MAP4K4: variants seen among roughly 807,000 people sequenced by gnomAD.
The protein encoded by MAP4K4 is mitogen-activated protein kinase kinase kinase kinase 4.
MAP4K4 carries 38 observed loss-of-function variants against 189.6 expected under a neutral mutation model. The ratio of observed to expected loss-of-function variants is 0.20; its 90% CI spans 0.15 to 0.26. The LOEUF is 0.26. Among genes scored for constraint, MAP4K4 ranks in the 10% least tolerant of loss-of-function variants. The probability of loss-of-function intolerance (pLI) is 1.00; values close to 1 mark genes in which losing one functional copy is unlikely to be tolerated. For missense variants in MAP4K4, 1,054 were observed against 1,726.9 expected (o/e 0.61, Z 6.91); for synonymous variants, 610 against 624.3 (o/e 0.98, Z 0.34).
chr2:101,743,566 C>G (rs1468180924), intron 2 of MAP4K4, among the ~76,000 whole-genome samples: 2 of 152,096 alleles, frequency 1.3e-5, no homozygotes, highest in Non-Finnish European at 1.5e-5. Context: ...TCCTTTATTT[C>G]CATTCTGCCC....
intron 2 of MAP4K4, among the ~76,000 whole-genome samples, chr2:101,786,290 G>A (rs2091210714): frequency 6.6e-6 from 1 of 152,042 alleles, no homozygotes; most frequent in African/African-American, 2.4e-5. Context: ...TAGTGTGATG[G>A]TTTTTCGAGT....
chr2:101,758,226 C>T (rs1247054698), intron 2 of MAP4K4, among the ~76,000 whole-genome samples: 3 of 152,132 alleles, frequency 2.0e-5, no homozygotes, highest in African/African-American at 7.2e-5. Context: ...ACAGAACCCT[C>T]TATTCTTGGA....
chr2:101,855,935 G>A (rs1576843339), intron 12 of MAP4K4, 42 bp from the exon 13 acceptor site: 1 of 1,530,958 alleles, frequency 6.5e-7, no homozygotes, highest in South Asian at 1.2e-5. Flanking sequence ...TGAGAAAGAT[G>A]GCGGGAAGAT....
At chr2:101,868,167 C>A in intron 21 of MAP4K4, 130 bp downstream of exon 21, 1 of 1,012,530 alleles carries the variant, frequency 9.9e-7, no homozygotes, top group Non-Finnish European at 1.5e-6. Flanking sequence ...AATTTAAAAA[C>A]CTCAAACTTT....
At chr2:101,797,601 C>A (rs2093852143) in intron 3 of MAP4K4, among the ~76,000 whole-genome samples, 1 of 151,982 alleles carries the variant, frequency 6.6e-6, no homozygotes, top group Non-Finnish European at 1.5e-5. Flanking sequence ...TTTAACTTCC[C>A]AATTTGGGTT....
chr2:101,844,439 T>C lies in MAP4K4; in HGVS notation c.1233+128T>C, dbSNP rs941186631. The C allele has an allele frequency of 6.8e-6, 5 of 734,714 alleles. No homozygotes were observed. The African/African-American group carries it at 8.9e-5, about 13-fold the overall frequency. 45.5% of individuals were successfully genotyped at this position (734,714 alleles called of 1,614,324 possible). On this transcript the variant is annotated intron_variant, in intron 12 of 32. Coordinates refer to ENST00000324219, the Ensembl canonical transcript of MAP4K4. ...ATACTTATCCCCTGGCACAGCTGTT[T>C]ACATAACTTGTGAAAGAAAGCTTAC... is the stretch of plus-strand genomic sequence containing the variant.
intron 26 of MAP4K4, among the ~76,000 whole-genome samples, chr2:101,876,377 G>C (rs1463397674): frequency 2.0e-5 from 3 of 152,224 alleles, no homozygotes; most frequent in African/African-American, 4.8e-5. Flanking sequence ...CAAGGTTAGA[G>C]AAGTAGGGTG....
At chr2:101,784,288 ATGTG>A (rs111233758) in intron 2 of MAP4K4, among the ~76,000 whole-genome samples, 3,027 of 133,270 alleles carry the variant, frequency 0.023, 38 homozygotes, top group Middle Eastern at 0.066. Context: ...GTGTGTGTGT[ATGTG>A]TGTGTGTGTG....
At chr2:101,802,323 G>C (rs76226746) in intron 3 of MAP4K4, among the ~76,000 whole-genome samples, 10,054 of 152,218 alleles carry the variant, frequency 0.066, 423 homozygotes, top group African/African-American at 0.12. Context: ...CACTGTAGCA[G>C]CTGACTGAAG....
At chr2:101,809,553 A>G (rs750991466) in intron 3 of MAP4K4, among the ~76,000 whole-genome samples, 11 of 152,202 alleles carry the variant, frequency 7.2e-5, no homozygotes, top group Non-Finnish European at 1.5e-4. Flanking sequence ...TATTACTTAG[A>G]AAAGGCCTGA....
intron 3 of MAP4K4, 79 bp from the exon 4 acceptor site, chr2:101,823,849 T>C: frequency 8.2e-7 from 1 of 1,215,342 alleles, no homozygotes; most frequent in South Asian, 1.5e-5. Context: ...GTTCCTTTCA[T>C]TATTGTATGT....
chr2:101,846,467 C>A (rs1371677932), intron 12 of MAP4K4, among the ~76,000 whole-genome samples: 1 of 152,156 alleles, frequency 6.6e-6, no homozygotes, highest in Non-Finnish European at 1.5e-5. Flanking sequence ...TCATTTGTAA[C>A]ACAGGCACTG....
At chr2:101,715,561 A>G (rs2047928939) in intron 2 of MAP4K4, among the ~76,000 whole-genome samples, 2 of 152,210 alleles carry the variant, frequency 1.3e-5, no homozygotes, top group Non-Finnish European at 2.9e-5. Flanking sequence ...TGTTCATATT[A>G]TATTTCATGG....
chr2:101,792,137 C>G (rs2092978232), intron 3 of MAP4K4, among the ~76,000 whole-genome samples: 1 of 151,828 alleles, frequency 6.6e-6, no homozygotes, highest in Non-Finnish European at 1.5e-5. Context: ...TATGAAGTAC[C>G]CTCTTTGTGA....
intron 2 of MAP4K4, among the ~76,000 whole-genome samples, chr2:101,734,155 C>G (rs768489527): frequency 3.7e-4 from 57 of 152,122 alleles, no homozygotes; most frequent in Non-Finnish European, 6.2e-4. Flanking sequence ...TACAGGGTAT[C>G]ATACTACAAT....
intron 10 of MAP4K4, among the ~76,000 whole-genome samples, chr2:101,840,700 A>C (rs1483116758): frequency 6.6e-6 from 1 of 152,146 alleles, no homozygotes; most frequent in Non-Finnish European, 1.5e-5. Flanking sequence ...CCTTATAATA[A>C]CTTTATAGAA....
At chr2:101,743,455 G>A (rs1410101171) in intron 2 of MAP4K4, among the ~76,000 whole-genome samples, 3 of 151,850 alleles carry the variant, frequency 2.0e-5, no homozygotes, top group Non-Finnish European at 4.4e-5. Flanking sequence ...GTCAGTAACA[G>A]CCATCCTTTT....
intron 2 of MAP4K4, among the ~76,000 whole-genome samples, chr2:101,730,205 G>C (rs1188853609): frequency 6.6e-6 from 1 of 152,144 alleles, no homozygotes; most frequent in Non-Finnish European, 1.5e-5. Flanking sequence ...TGGCTATATG[G>C]CTTTCTGTCA....
chr2:101,859,859 C>G, exon 15 of MAP4K4: 1 of 1,597,726 alleles, frequency 6.3e-7, no homozygotes, highest in Non-Finnish European at 8.5e-7. Flanking sequence ...TGACCGAGCG[C>G]GAGAGGTATC....
Sources: gnomAD v4.1 joint callset for allele counts (sites outside exome capture counted in the v4.1 genomes callset) on GRCh38, gnomAD v4.1.1 for gene constraint, MANE v1.5 for transcripts, NCBI Gene and HGNC (gene_info 2026-07-23, HGNC 2026-07-21) for gene names.